STX10: variants seen among roughly 807,000 people sequenced by gnomAD.
STX10 encodes the protein syntaxin 10.
STX10 carries 35 observed loss-of-function variants against 34.1 expected under a neutral mutation model. That is an observed-to-expected ratio of 1.03 (90% CI 0.78 to 1.36). The LOEUF is 1.36. Among genes scored for constraint, STX10 ranks in the 40% most tolerant of loss-of-function variants. The pLI is 0.00. For synonymous variants in STX10, 155 were observed against 132.9 expected (o/e 1.17, Z -1.15); for missense variants, 361 against 335.5 (o/e 1.08, Z -0.59).
chr19:13,144,384 G>T lies in STX10; in HGVS notation c.*26C>A. 6.3e-7 allele frequency: 1 copy of T among 1,597,188 alleles called. No individual in the cohort carries two copies. Among genetic ancestry groups the T allele is most frequent in the Non-Finnish European group, 8.5e-7 (1 of 1,173,416 alleles). On this transcript the variant is annotated 3_prime_UTR_variant, in exon 8 of 8. Transcript: ENST00000587230. ...GCTTGGTGGCTCCCCAGGCTTAAGG[G>T]ACCAGCCTGCCAGGGAGGGCTGGGG...
Position 13,144,745 on chromosome 19 carries a change from C to T in STX10, c.578+19G>A. ...GGTGGCCGAGAGCCCCTGGCCCACC[C>T]CCAGGGTCCTGGCCTCACATGCCCT... is the stretch of plus-strand genomic sequence containing the variant. On this transcript the variant is annotated intron_variant, in intron 6 of 7. Coordinates refer to ENST00000587230, the MANE Select transcript of STX10 (RefSeq NM_003765.3). The T allele has an allele frequency of 6.2e-7, 1 of 1,613,064 alleles. No individual in the cohort carries two copies. Among genetic ancestry groups the T allele is most frequent in the South Asian group, 1.1e-5 (1 of 91,002 alleles).
rs1289353713 is a variant in STX10, at chr19:13,144,201, G to A, written c.*209C>T. On this transcript the variant is annotated 3_prime_UTR_variant, in exon 8 of 8. Transcript: ENST00000587230. ...CCTCCACCACCCCCTAAGTGCACTTGAGACAGGACCAGTGGTGGTGGTTCC... is the reference window on the plus strand; with the variant it reads ...CCTCCACCACCCCCTAAGTGCACTTAAGACAGGACCAGTGGTGGTGGTTCC... The A allele has an allele frequency of 3.1e-6, 2 of 637,514 alleles. No homozygotes were observed. Among genetic ancestry groups the A allele is most frequent in the African/African-American group, 3.7e-5 (2 of 54,642 alleles). 39.5% of individuals were successfully genotyped at this position (637,514 alleles called of 1,614,324 possible).
Position 13,150,334 on chromosome 19 carries a change from G to C in STX10, c.-161C>G. 2 of 602,824 alleles carry C rather than the reference G, an allele frequency of 3.3e-6. No homozygotes were observed. The highest frequency in any genetic ancestry group is 4.0e-5 in the South Asian group (2 of 50,422). The allele number at this position is 602,824 out of a possible 1,614,324, so 37.3% of individuals were successfully genotyped here. Reference sequence around the variant, plus strand: ...AAGAGAAGCCTCGGAGGCCCGACGTGCGGACACTTCCGCCCTCTCCTCAGC... The same window carrying C: ...AAGAGAAGCCTCGGAGGCCCGACGTCCGGACACTTCCGCCCTCTCCTCAGC... On this transcript the variant is annotated 5_prime_UTR_variant, in exon 1 of 8. Coordinates refer to ENST00000587230, the MANE Select transcript of STX10 (RefSeq NM_003765.3). This position sits in a 1 kb window ranked among gnomAD's most constrained non-coding sequence, Gnocchi z 4.0.
intron 6 of STX10, 30 bp from the exon 7 acceptor site, chr19:13,144,701 G>T (rs368582716): frequency 1.2e-6 from 2 of 1,613,658 alleles, no homozygotes; most frequent in Non-Finnish European, 1.7e-6. Flanking sequence ...ATCAGCCCCA[G>T]ATGGCCCAGA....
Position 13,144,168 on chromosome 19 carries a change from T to C in STX10, c.*242A>G. On this transcript the variant is annotated 3_prime_UTR_variant, in exon 8 of 8. Coordinates refer to ENST00000587230, the MANE Select transcript of STX10 (RefSeq NM_003765.3). ...GAAATGGAGACAGGTGTGTCTCAGG[T>C]GTCCCTGCCTCCACCACCCCCTAAG... The C allele has an allele frequency of 1.8e-6, 1 of 563,404 alleles. No individual in the cohort carries two copies. Among genetic ancestry groups the C allele is most frequent in the Non-Finnish European group, 3.1e-6 (1 of 319,244 alleles). The allele number at this position is 563,404 out of a possible 1,614,324, so 34.9% of individuals were successfully genotyped here.
Position 13,145,315 on chromosome 19 carries a change from G to A in STX10, c.444C>T (p.Tyr148=). Residue 148 remains tyrosine (Y), a synonymous_variant, in exon 5 of 8, where the codon TAC becomes TAT. Transcript: ENST00000587230. ...GCTGTGTGGCCTGCTGCTCCTCGAT[G>A]TAGCGAGATGTGGCCGAGACTGCGC... ...DASAVSATSR[Y]IEEQQATQQL... 6.2e-7 allele frequency: 1 copy of A among 1,611,656 alleles called. No homozygotes were observed. Among genetic ancestry groups the A allele is most frequent in the Non-Finnish European group, 8.5e-7 (1 of 1,180,004 alleles).
chr19:13,147,182 A>T (rs1007705620), intron 4 of STX10, among the ~76,000 whole-genome samples: 5 of 152,088 alleles, frequency 3.3e-5, no homozygotes, highest in Non-Finnish European at 7.3e-5. Flanking sequence ...ATACACTCAG[A>T]GGCCAAGTGC....
intron 4 of STX10, among the ~76,000 whole-genome samples, chr19:13,146,127 G>A (rs529379377): frequency 5.5e-4 from 83 of 151,984 alleles, no homozygotes; most frequent in African/African-American, 1.9e-3. Context: ...AACCTGGGGG[G>A]CGGTGGTTGC....
intron 4 of STX10, among the ~76,000 whole-genome samples, chr19:13,147,390 G>A (rs1007673150): frequency 6.6e-5 from 10 of 151,830 alleles, no homozygotes; most frequent in East Asian, 1.9e-4. Flanking sequence ...GCTTGAACCC[G>A]GAAGGTGGAG....
At chr19:13,145,443 C>A (rs769924992) in intron 4 of STX10, 48 bp from the exon 5 acceptor site, 2 of 1,534,852 alleles carry the variant, frequency 1.3e-6, no homozygotes, top group Non-Finnish European at 1.8e-6. Context: ...CAACTCACAG[C>A]GGGGCCTGTG....
Position 13,149,908 on chromosome 19 carries a change from G to A in STX10, c.36-11C>T. The A allele has an allele frequency of 6.4e-7, 1 of 1,559,304 alleles. No individual in the cohort carries two copies. Among genetic ancestry groups the A allele is most frequent in the Non-Finnish European group, 8.7e-7 (1 of 1,153,386 alleles). ...GCCTTCTGCACCTCGCTGCGGGCAG[G>A]GGCACGGCGGGCGCGGCTGGGGGCA... On this transcript the variant is annotated splice_polypyrimidine_tract_variant and intron_variant, in intron 1 of 7. Coordinates refer to ENST00000587230, the MANE Select transcript of STX10 (RefSeq NM_003765.3).
intron 4 of STX10, among the ~76,000 whole-genome samples, chr19:13,146,553 T>C (rs1422615904): frequency 6.6e-6 from 1 of 150,766 alleles, no homozygotes; most frequent in Non-Finnish European, 1.5e-5. Flanking sequence ...GTTTGTTTGT[T>C]TGTCTGAGAC....
intron 4 of STX10, among the ~76,000 whole-genome samples, chr19:13,148,539 G>A (rs2019962923): frequency 6.6e-6 from 1 of 150,732 alleles, no homozygotes; most frequent in South Asian, 2.1e-4. Flanking sequence ...AGTTACCCTG[G>A]CATGGTGACG....
chr19:13,147,079 A>AACACACACACACACACACAC (rs55785762), intron 4 of STX10, among the ~76,000 whole-genome samples: 5 of 145,142 alleles, frequency 3.4e-5, no homozygotes, highest in Non-Finnish European at 6.0e-5. Context: ...GAAACACAGA[A>AACACACACACACACACACAC]ACACACACAC....
intron 4 of STX10, among the ~76,000 whole-genome samples, chr19:13,147,493 C>A (rs1347244006): frequency 6.7e-6 from 1 of 149,738 alleles, no homozygotes. Context: ...TGGCCGGGCG[C>A]GGTGGCTCAC....
chr19:13,149,438 GAAAGAA>G, intron 3 of STX10, 55 bp downstream of exon 3: 1 of 1,117,724 alleles, frequency 8.9e-7, no homozygotes. Context: ...AAGAAAGAAA[GAAAGAA>G]AAAAAAACAC....
intron 4 of STX10, 79 bp from the exon 5 acceptor site, chr19:13,145,474 A>G (rs567103094): frequency 1.6e-6 from 2 of 1,233,150 alleles, no homozygotes; most frequent in Admixed American, 3.8e-5. Flanking sequence ...CCACGGTGGT[A>G]AGTCAGGGGG....
intron 4 of STX10, among the ~76,000 whole-genome samples, chr19:13,148,131 T>C (rs2019948761): frequency 6.7e-6 from 1 of 150,286 alleles, no homozygotes; most frequent in African/African-American, 2.4e-5. Flanking sequence ...CCCAGCACTT[T>C]GGAAGGCTGA....
chr19:13,147,230 A>AG (rs1273067365), intron 4 of STX10, among the ~76,000 whole-genome samples: 1 of 152,066 alleles, frequency 6.6e-6, no homozygotes, highest in Non-Finnish European at 1.5e-5. Context: ...ACAGATGAAA[A>AG]GGCGGGGGCG....
Sources: gnomAD v4.1 joint callset for allele counts (sites outside exome capture counted in the v4.1 genomes callset) on GRCh38, gnomAD v4.1.1 for gene constraint, Gnocchi (gnomAD v3.1) non-coding constraint, MANE v1.5 for transcripts, NCBI Gene and HGNC (gene_info 2026-07-23, HGNC 2026-07-21) for gene names.